ENPP1: variants seen among roughly 807,000 people sequenced by gnomAD.
ENPP1 encodes ectonucleotide pyrophosphatase/phosphodiesterase 1.
A neutral mutation model predicts 122.8 loss-of-function variants in ENPP1; 73 were observed. The ratio of observed to expected loss-of-function variants is 0.59; its 90% CI spans 0.49 to 0.72. The LOEUF (loss-of-function observed/expected upper bound fraction) is 0.72, where lower values mean the gene tolerates loss of function less well. Ranked by LOEUF, ENPP1 falls within the 30% of genes least tolerant of loss-of-function variation. The pLI, the probability that ENPP1 is intolerant of heterozygous loss-of-function variation, is 0.00. For synonymous variants in ENPP1, 367 were observed against 391.6 expected (o/e 0.94, Z 0.74); for missense variants, 978 against 1,128.1 (o/e 0.87, Z 1.91).
intron 1 of ENPP1, among the ~76,000 whole-genome samples, chr6:131,844,376 G>A (rs1287432978): frequency 6.6e-6 from 1 of 152,174 alleles, no homozygotes; most frequent in Non-Finnish European, 1.5e-5. Context: ...ACAAATCACT[G>A]TGCAAATAGC....
intron 20 of ENPP1, among the ~76,000 whole-genome samples, chr6:131,881,803 G>A (rs1477690122): frequency 6.6e-6 from 1 of 151,950 alleles, no homozygotes; most frequent in Non-Finnish European, 1.5e-5. Flanking sequence ...TGGATCACCT[G>A]AGGTCAGGAG....
chr6:131,826,612 C>T, intron 1 of ENPP1: 3 of 978,218 alleles, frequency 3.1e-6, no homozygotes, highest in Non-Finnish European at 3.2e-6. Flanking sequence ...CAGGTCACAG[C>T]TGATCAGTTC....
chr6:131,870,755 A>G (rs570149622), intron 13 of ENPP1, among the ~76,000 whole-genome samples: 1 of 152,162 alleles, frequency 6.6e-6, no homozygotes, highest in Non-Finnish European at 1.5e-5. Context: ...AAAGTAGTAC[A>G]TGACTGTTAT....
rs79162923 is a variant in ENPP1, at chr6:131,841,694, T to G, written c.241-6082T>G. On this transcript the variant is annotated intron_variant, in intron 1 of 24. Coordinates refer to ENST00000647893, the MANE Select transcript of ENPP1 (RefSeq NM_006208.3). ...CATGCTAGATGTGGAAAACACAGGG[T>G]TGAATAAATAAATCCATGCCTCTCG... Among the ~76,000 whole-genome samples the G allele has an allele frequency of 5.4e-4, 82 of 152,192 alleles. No homozygotes were observed. The East Asian group carries it at 0.015, about 28-fold the overall frequency.
At chr6:131,811,437 T>TATCTATATCTATATAC (rs1562506357) in intron 1 of ENPP1, among the ~76,000 whole-genome samples, 3 of 151,510 alleles carry the variant, frequency 2.0e-5, no homozygotes, top group African/African-American at 4.9e-5. Flanking sequence ...TATCTATATA[T>TATCTATATCTATATAC]ATGTAGAGAG....
chr6:131,854,380 G>A (rs1207855515), intron 5 of ENPP1, among the ~76,000 whole-genome samples: 1 of 151,750 alleles, frequency 6.6e-6, no homozygotes, highest in South Asian at 2.1e-4. Context: ...GCCACTGCAC[G>A]GCAGCCTGAG....
chr6:131,864,671 G>C (rs758217296), intron 10 of ENPP1, 100 bp downstream of exon 10: 117 of 882,138 alleles, frequency 1.3e-4, no homozygotes, highest in Non-Finnish European at 1.9e-4. Context: ...TTGCTATGAT[G>C]TTTTATATCG....
intron 18 of ENPP1, chr6:131,877,866 A>AAAAT (rs1562183349): frequency 2.1e-3 from 109 of 53,008 alleles, no homozygotes; most frequent in Non-Finnish European, 2.7e-3. Flanking sequence ...AAAAAAAAAA[A>AAAAT]ATATATATAT....
chr6:131,881,161 T>C (rs1782300265), intron 20 of ENPP1, among the ~76,000 whole-genome samples: 1 of 152,228 alleles, frequency 6.6e-6, no homozygotes, highest in Non-Finnish European at 1.5e-5. Context: ...TGATTTTTAC[T>C]AATCAGTGAG....
intron 1 of ENPP1, chr6:131,827,180 G>T: frequency 1.3e-6 from 1 of 760,278 alleles, no homozygotes. Flanking sequence ...TTTTCCACAA[G>T]CTAATGTTTT....
At chr6:131,811,376 A>ATGTATC (rs1781349398) in intron 1 of ENPP1, among the ~76,000 whole-genome samples, 1 of 131,280 alleles carries the variant, frequency 7.6e-6, no homozygotes, top group Non-Finnish European at 1.6e-5. Flanking sequence ...ATCTATATCT[A>ATGTATC]TATATCTATA....
chr6:131,889,424 C>T (rs1199307821), intron 24 of ENPP1, among the ~76,000 whole-genome samples: 1 of 152,038 alleles, frequency 6.6e-6, no homozygotes, highest in Non-Finnish European at 1.5e-5. Context: ...ATTTTCTTCC[C>T]CCACACGTGT....
chr6:131,829,864 A>T (rs1222446877), intron 1 of ENPP1, among the ~76,000 whole-genome samples: 1 of 152,198 alleles, frequency 6.6e-6, no homozygotes, highest in Non-Finnish European at 1.5e-5. Flanking sequence ...CAGGGAGGAC[A>T]AGGTAGATAC....
At chr6:131,880,819 C>A (rs530881409) in intron 20 of ENPP1, among the ~76,000 whole-genome samples, 148 of 152,172 alleles carry the variant, frequency 9.7e-4, no homozygotes, top group Non-Finnish European at 4.0e-4. Flanking sequence ...TAGGAAGACA[C>A]GAGCCCAAAC....
Position 131,864,987 on chromosome 6 carries a change from C to T in ENPP1, c.1164+49C>T, listed in dbSNP as rs749178466. The T allele has an allele frequency of 2.6e-6, 3 of 1,159,072 alleles. No individual in the cohort carries two copies. The South Asian group carries it at 3.7e-5, about 14-fold the overall frequency. 71.8% of individuals were successfully genotyped at this position (1,159,072 alleles called of 1,614,324 possible). The stretch of plus-strand genomic sequence containing the variant: ...TATTTCATTAAACCCAGTCATCAAA[C>T]TGAACCTCGCTTTGAAGGAGGCTGC... On this transcript the variant is annotated intron_variant, in intron 11 of 24. Transcript: ENST00000647893.
chr6:131,866,671 C>T (rs1782096069), intron 11 of ENPP1, among the ~76,000 whole-genome samples: 1 of 152,208 alleles, frequency 6.6e-6, no homozygotes, highest in African/African-American at 2.4e-5. Context: ...AAATCCATCT[C>T]CAGCAGCTCC....
chr6:131,830,347 G>A (rs1781595514), intron 1 of ENPP1, among the ~76,000 whole-genome samples: 1 of 152,162 alleles, frequency 6.6e-6, no homozygotes. Flanking sequence ...TCCAGGAGGG[G>A]GCAAGCTGCC....
At chr6:131,838,913 C>G (rs976105560) in intron 1 of ENPP1, among the ~76,000 whole-genome samples, 8 of 152,102 alleles carry the variant, frequency 5.3e-5, no homozygotes, top group South Asian at 2.1e-4. Context: ...CAAAATTACT[C>G]AAGAACAATT....
chr6:131,835,957 C>G (rs953120958), intron 1 of ENPP1, among the ~76,000 whole-genome samples: 14 of 152,284 alleles, frequency 9.2e-5, no homozygotes, highest in African/African-American at 3.4e-4. Context: ...AGGCCCAGAT[C>G]CCCTAAGTGA....
Sources: gnomAD v4.1 joint callset for allele counts (sites outside exome capture counted in the v4.1 genomes callset) on GRCh38, gnomAD v4.1.1 for gene constraint, MANE v1.5 for transcripts, NCBI Gene and HGNC (gene_info 2026-07-23, HGNC 2026-07-21) for gene names.